Variants in GRIK2 observed in about 807,000 individuals in gnomAD.
GRIK2 encodes glutamate receptor ionotropic, kainate 2.
GRIK2 carries 32 observed loss-of-function variants against 100.3 expected under a neutral mutation model. The ratio of observed to expected loss-of-function variants is 0.32; its 90% CI spans 0.24 to 0.43. The LOEUF (loss-of-function observed/expected upper bound fraction) is 0.43, where lower values mean the gene tolerates loss of function less well. Among genes scored for constraint, GRIK2 ranks in the 20% least tolerant of loss-of-function variants. The pLI is 1.00. For synonymous variants in GRIK2, 417 were observed against 389.4 expected (o/e 1.07, Z -0.83); for missense variants, 843 against 1,114.9 (o/e 0.76, Z 3.47).
At chr6:101,407,020 G>A (rs1397956367) in intron 2 of GRIK2, among the ~76,000 whole-genome samples, 1 of 152,096 alleles carries the variant, frequency 6.6e-6, no homozygotes, top group African/African-American at 2.4e-5. Flanking sequence ...CCTTGACCTA[G>A]CACAATGAGA....
At position 101,682,624 on chromosome 6, in the gene GRIK2, A is replaced by G. The variant is rs1398753377; in HGVS notation, c.777+18A>G. On this transcript the variant is annotated intron_variant, in intron 6 of 16. Coordinates refer to ENST00000369134, the MANE Select transcript of GRIK2 (RefSeq NM_021956.5). ...CCACTCTGGTAAGTACTTCATTAAAACAAAATGTTCTGAATTTTATTATTA... is the reference window on the plus strand; with the variant it reads ...CCACTCTGGTAAGTACTTCATTAAAGCAAAATGTTCTGAATTTTATTATTA... 2 of 1,038,096 alleles carry G rather than the reference A, an allele frequency of 1.9e-6. No homozygotes were observed. The highest frequency in any genetic ancestry group is 2.4e-5 in the East Asian group (1 of 41,218). 64.3% of individuals were successfully genotyped at this position (1,038,096 alleles called of 1,614,324 possible).
intron 4 of GRIK2, among the ~76,000 whole-genome samples, chr6:101,661,207 C>T (rs1216943311): frequency 6.6e-6 from 1 of 152,168 alleles, no homozygotes; most frequent in South Asian, 2.1e-4. Flanking sequence ...GATCTGGCCA[C>T]TGTGGCTTTG....
chr6:101,679,417 T>C (rs537907743), intron 5 of GRIK2, among the ~76,000 whole-genome samples: 63 of 152,296 alleles, frequency 4.1e-4, no homozygotes, highest in African/African-American at 1.5e-3. Flanking sequence ...ATTTTGACTT[T>C]AGAAAATTTA....
At chr6:101,600,140 A>G (rs967799445) in intron 2 of GRIK2, among the ~76,000 whole-genome samples, 2 of 151,840 alleles carry the variant, frequency 1.3e-5, no homozygotes, top group South Asian at 4.1e-4. Context: ...TCCCAACACA[A>G]CTTATTGAAT....
chr6:101,779,131 A>G (rs955038682), intron 7 of GRIK2, among the ~76,000 whole-genome samples: 1 of 152,190 alleles, frequency 6.6e-6, no homozygotes, highest in South Asian at 2.1e-4. Context: ...TTTCCAAAGT[A>G]TAAGGAAAAT....
At chr6:101,863,050 C>A (rs1353063563) in intron 11 of GRIK2, among the ~76,000 whole-genome samples, 1 of 151,222 alleles carries the variant, frequency 6.6e-6, no homozygotes, top group Non-Finnish European at 1.5e-5. Context: ...CATTCATAAT[C>A]TTCTGTAGGG....
chr6:101,749,815 T>C (rs908336793), intron 7 of GRIK2, among the ~76,000 whole-genome samples: 5 of 144,722 alleles, frequency 3.5e-5, no homozygotes, highest in Non-Finnish European at 6.0e-5. Flanking sequence ...TTTTTTTTTT[T>C]TTTTTTTTTT....
chr6:101,749,363 C>T (rs1441235804), intron 7 of GRIK2, among the ~76,000 whole-genome samples: 1 of 152,036 alleles, frequency 6.6e-6, no homozygotes, highest in African/African-American at 2.4e-5. Context: ...TCTGTCTCGG[C>T]CCCCCAGATT....
intron 2 of GRIK2, among the ~76,000 whole-genome samples, chr6:101,572,497 TA>T (rs1183185214): frequency 1.3e-5 from 2 of 152,120 alleles, no homozygotes; most frequent in Non-Finnish European, 1.5e-5. Flanking sequence ...AATTTATGAT[TA>T]AAAAGAGGGG....
intron 2 of GRIK2, among the ~76,000 whole-genome samples, chr6:101,501,757 T>G (rs1773757163): frequency 6.6e-6 from 1 of 152,136 alleles, no homozygotes; most frequent in Non-Finnish European, 1.5e-5. Flanking sequence ...TGTTTTTGTT[T>G]TGTTTTGTTT....
At chr6:101,567,948 T>G (rs985183940) in intron 2 of GRIK2, among the ~76,000 whole-genome samples, 1 of 151,988 alleles carries the variant, frequency 6.6e-6, no homozygotes, top group African/African-American at 2.4e-5. Flanking sequence ...CTTGTAGATG[T>G]AGAATACAAA....
At chr6:101,636,877 C>T (rs1781046504) in intron 4 of GRIK2, among the ~76,000 whole-genome samples, 3 of 152,108 alleles carry the variant, frequency 2.0e-5, no homozygotes, top group Admixed American at 6.6e-5. Context: ...TACTGCCCTC[C>T]TGCCCCCTAC....
At chr6:101,650,345 C>T (rs1781726465) in intron 4 of GRIK2, among the ~76,000 whole-genome samples, 1 of 152,040 alleles carries the variant, frequency 6.6e-6, no homozygotes, top group Non-Finnish European at 1.5e-5. Flanking sequence ...AGAGGGGTCA[C>T]CAATGTGAGG....
At chr6:101,999,356 T>G (rs1794812876) in intron 14 of GRIK2, among the ~76,000 whole-genome samples, 1 of 152,112 alleles carries the variant, frequency 6.6e-6, no homozygotes, top group South Asian at 2.1e-4. Flanking sequence ...ATTGATAATT[T>G]TACTATATAA....
intron 14 of GRIK2, among the ~76,000 whole-genome samples, chr6:102,018,966 A>AT (rs1769282662): frequency 6.6e-6 from 1 of 151,816 alleles, no homozygotes; most frequent in Non-Finnish European, 1.5e-5. Flanking sequence ...TTTTTAAATT[A>AT]TTTTTTTCTG....
In GRIK2 at chr6:101,485,776, T is replaced by C. The variant is rs562245479; in HGVS notation, c.115+86384T>C. Among the ~76,000 whole-genome samples, 183 of 152,316 alleles carry C rather than the reference T, an allele frequency of 1.2e-3. 1 individual carries two copies. Among genetic ancestry groups the C allele is most frequent in the South Asian group, 4.3e-3 (21 of 4,834 alleles). On this transcript the variant is annotated intron_variant, in intron 2 of 16. Transcript: ENST00000369134. ...ACAAAAATACAATTATAGCAACATTTCTGCATAATAGGCAAAGAAAAGTGA... is the reference window on the plus strand; with the variant it reads ...ACAAAAATACAATTATAGCAACATTCCTGCATAATAGGCAAAGAAAAGTGA...
chr6:101,753,391 G>A (rs922090877), intron 7 of GRIK2, among the ~76,000 whole-genome samples: 2 of 151,954 alleles, frequency 1.3e-5, no homozygotes, highest in African/African-American at 2.4e-5. Flanking sequence ...AGAAGCAAGG[G>A]CATTTTAAAG....
intron 15 of GRIK2, among the ~76,000 whole-genome samples, chr6:102,046,090 A>G (rs1211676767): frequency 6.6e-6 from 1 of 152,122 alleles, no homozygotes; most frequent in Non-Finnish European, 1.5e-5. Context: ...TAGGAGACAA[A>G]GAAGGTCATT....
At chr6:101,993,280 A>T (rs1354794991) in intron 14 of GRIK2, 2 of 151,146 alleles carry the variant, frequency 1.3e-5, no homozygotes, top group Non-Finnish European at 3.0e-5. Context: ...CCTATGATTA[A>T]TCTCTTCCAT....
Sources: allele counts gnomAD v4.1 joint callset (sites outside exome capture counted in the v4.1 genomes callset), GRCh38; gene constraint gnomAD v4.1.1; transcripts MANE v1.5; gene names NCBI Gene and HGNC (gene_info 2026-07-23, HGNC 2026-07-21).